Variants in SLC7A2 observed in about 807,000 individuals in gnomAD.
SLC7A2 encodes solute carrier family 7 member 2, also known as cationic amino acid transporter 2.
In SLC7A2, 48 loss-of-function variants were observed where a neutral mutation model predicts 58.9. The observed-to-expected ratio is 0.82, with a 90% confidence interval of 0.65 to 1.04. The LOEUF is 1.04. Ranked by LOEUF, SLC7A2 falls within the 50% of genes least tolerant of loss-of-function variation. The pLI is 0.00. For missense variants in SLC7A2, 1,029 were observed against 818.8 expected, an observed-to-expected ratio of 1.26 and a Z score of -3.13; for synonymous variants, 363 against 314.5, an observed-to-expected ratio of 1.15 and a Z score of -1.63.
intron 7 of SLC7A2, among the ~76,000 whole-genome samples, chr8:17,553,010 G>A (rs1042915365): frequency 2.6e-5 from 4 of 152,104 alleles, no homozygotes; most frequent in Non-Finnish European, 5.9e-5. Flanking sequence ...ACAATATTGA[G>A]TAGCAATTAG....
rs146463803 is a variant in SLC7A2, at chr8:17,536,284, G to A, written c.-22-7034G>A. 7.0e-4 allele frequency among the ~76,000 whole-genome samples: 107 copies of A among 152,158 alleles called. No individual in the cohort carries two copies. In the East Asian group the frequency reaches 0.02, roughly 28 times the overall value. ...ATGTCTAAAAAGAAAAGATATTCTG[G>A]CCGGGTGCAGTGGTTCACGCCTGTA... On this transcript the variant is annotated intron_variant, in intron 2 of 12. Transcript: ENST00000494857.
chr8:17,516,243 T>G (rs1022012440), intron 2 of SLC7A2, among the ~76,000 whole-genome samples: 8 of 143,672 alleles, frequency 5.6e-5, no homozygotes, highest in African/African-American at 2.0e-4. Flanking sequence ...ATTTTTTTTT[T>G]GAGATGGAAT....
chr8:17,558,132 G>A (rs1802795534), intron 8 of SLC7A2, among the ~76,000 whole-genome samples, 163 bp from the exon 9 acceptor site: 1 of 152,158 alleles, frequency 6.6e-6, no homozygotes, highest in Non-Finnish European at 1.5e-5. Flanking sequence ...ATGACCTAAA[G>A]AACATCTTAT....
intron 6 of SLC7A2, among the ~76,000 whole-genome samples, chr8:17,551,278 C>T (rs1247519051): frequency 6.6e-6 from 1 of 152,126 alleles, no homozygotes; most frequent in Non-Finnish European, 1.5e-5. Context: ...AAGAAAGTAC[C>T]TTCAAGAATA....
At chr8:17,500,799 T>TACACACACACACACACACAC (rs60002166) in intron 1 of SLC7A2, among the ~76,000 whole-genome samples, 5 of 146,034 alleles carry the variant, frequency 3.4e-5, no homozygotes, top group African/African-American at 1.3e-4. Context: ...AACACACACA[T>TACACACACACACACACACAC]ACACACACAC....
At chr8:17,537,100 A>G (rs1801699424) in intron 2 of SLC7A2, among the ~76,000 whole-genome samples, 1 of 152,206 alleles carries the variant, frequency 6.6e-6, no homozygotes, top group Non-Finnish European at 1.5e-5. Flanking sequence ...TCTGTTGCCC[A>G]GGCTGGAGTG....
In SLC7A2 at chr8:17,544,553, G is replaced by T; in HGVS notation, c.479G>T (p.Gly160Val). Reference sequence around the variant, plus strand: ...ACATACTTCAGAATGAATTACACTGGTCTTGCAGAATATCCCGATTTTTTT... The same window carrying T: ...ACATACTTCAGAATGAATTACACTGTTCTTGCAGAATATCCCGATTTTTTT... ...LRTYFRMNYT[G>V]LAEYPDFFAV... Residue 160 changes from glycine (G) to valine (V), a missense_variant, in exon 4 of 13, where the codon GGT becomes GTT. By Grantham distance (109) the Gly-to-Val change is moderately radical. Coordinates refer to ENST00000494857, the MANE Select transcript of SLC7A2 (RefSeq NM_001370338.1). 1 of 1,613,996 alleles carries T rather than the reference G, an allele frequency of 6.2e-7. No individual in the cohort carries two copies.
At chr8:17,513,575 C>G (rs1265470011) in intron 2 of SLC7A2, among the ~76,000 whole-genome samples, 5 of 152,096 alleles carry the variant, frequency 3.3e-5, no homozygotes, top group Non-Finnish European at 5.9e-5. Context: ...TCTCCATTGC[C>G]TTTATCTTTA....
chr8:17,501,509 T>A (rs1345731590), intron 1 of SLC7A2, among the ~76,000 whole-genome samples: 1 of 152,134 alleles, frequency 6.6e-6, no homozygotes, highest in African/African-American at 2.4e-5. Context: ...TTATTTAGAC[T>A]TTTAGTATGA....
At chr8:17,542,359 G>A (rs1328895235) in intron 2 of SLC7A2, among the ~76,000 whole-genome samples, 3 of 152,110 alleles carry the variant, frequency 2.0e-5, no homozygotes, top group Non-Finnish European at 4.4e-5. Flanking sequence ...AGTAAGGCCT[G>A]AAAAATCTGG....
At chr8:17,509,567 A>C (rs1585185962) in intron 2 of SLC7A2, among the ~76,000 whole-genome samples, 2 of 152,180 alleles carry the variant, frequency 1.3e-5, no homozygotes, top group Middle Eastern at 3.4e-3. Flanking sequence ...TGGCCTCCCA[A>C]AGTGCTGGGA....
intron 2 of SLC7A2, 105 bp from the exon 3 acceptor site, chr8:17,543,213 C>A (rs924156007): frequency 6.4e-6 from 6 of 937,482 alleles, no homozygotes; most frequent in South Asian, 1.7e-5. Context: ...CACACACACA[C>A]ACAAACACAC....
intron 6 of SLC7A2, 28 bp from the exon 7 acceptor site, chr8:17,551,736 T>A: frequency 6.7e-7 from 1 of 1,496,912 alleles, no homozygotes; most frequent in Admixed American, 1.7e-5. Flanking sequence ...TTATTAAGCA[T>A]ACACATCTTT....
chr8:17,542,470 GTGAGAC>G (rs1183169231), intron 2 of SLC7A2, among the ~76,000 whole-genome samples: 1 of 152,128 alleles, frequency 6.6e-6, no homozygotes, highest in Non-Finnish European at 1.5e-5. Context: ...GGGCAACATA[GTGAGAC>G]CCTGTCTCTA....
chr8:17,570,091 T>A lies in SLC7A2; in HGVS notation c.*4945T>A, dbSNP rs1803442057. The A allele has an allele frequency of 6.6e-6, 1 of 152,128 alleles. No homozygotes were observed. Among genetic ancestry groups the A allele is most frequent in the African/African-American group, 2.4e-5 (1 of 41,420 alleles). 9.4% of individuals were successfully genotyped at this position (152,128 alleles called of 1,614,324 possible). A position where few individuals can be genotyped will look rare whatever the true frequency, so the allele number is the denominator to read the frequency against. On this transcript the variant is annotated 3_prime_UTR_variant, in exon 13 of 13. Transcript: ENST00000494857. The stretch of plus-strand genomic sequence containing the variant: ...TAGAAGGGCTGGCTGAATCCTGAAG[T>A]AGCATAGTGGGACCTGGTCTACAAT...
In SLC7A2 at chr8:17,568,597, A is replaced by C. The variant is rs1803373548; in HGVS notation, c.*3451A>C. The C allele has an allele frequency of 6.6e-6, 1 of 152,150 alleles. No homozygotes were observed. Among genetic ancestry groups the C allele is most frequent in the Non-Finnish European group, 1.5e-5 (1 of 68,032 alleles). The allele number at this position is 152,150 out of a possible 1,614,324, so 9.4% of individuals were successfully genotyped here. On this transcript the variant is annotated 3_prime_UTR_variant, in exon 13 of 13. Transcript: ENST00000494857. ...ATTTCTATGAATAAAAGAAATTTTTAAAAACTTTAAAATTTTAAATATTAG... is the reference window on the plus strand; with the variant it reads ...ATTTCTATGAATAAAAGAAATTTTTCAAAACTTTAAAATTTTAAATATTAG...
intron 10 of SLC7A2, 87 bp from the exon 11 acceptor site, chr8:17,561,857 G>T: frequency 1.6e-6 from 2 of 1,262,894 alleles, no homozygotes. Context: ...ACAGAAGTCA[G>T]TGTTTTATCA....
intron 7 of SLC7A2, among the ~76,000 whole-genome samples, chr8:17,553,945 C>G (rs1802569440): frequency 6.6e-6 from 1 of 152,174 alleles, no homozygotes; most frequent in Non-Finnish European, 1.5e-5. Flanking sequence ...CAGCTGCTAA[C>G]TTTTCACTGT....
At chr8:17,518,267 A>G (rs13279789) in intron 2 of SLC7A2, among the ~76,000 whole-genome samples, 78,178 of 150,890 alleles carry the variant, frequency 0.52, 22,242 homozygotes, top group Non-Finnish European at 0.64. Context: ...AATATTCTGC[A>G]ACTCCATCGA....
Sources: allele counts gnomAD v4.1 joint callset (sites outside exome capture counted in the v4.1 genomes callset), GRCh38; gene constraint gnomAD v4.1.1; transcripts MANE v1.5; gene names NCBI Gene and HGNC (gene_info 2026-07-23, HGNC 2026-07-21).